The following PRKN variants were observed in gnomAD, a reference collection of about 807,000 sequenced individuals.
PRKN encodes E3 ubiquitin-protein ligase parkin.
A neutral mutation model predicts 59.5 loss-of-function variants in PRKN; 56 were observed. The observed-to-expected ratio is 0.94, with a 90% confidence interval of 0.76 to 1.18. PRKN has a LOEUF of 1.18. Ranked by LOEUF, PRKN falls within the 50% of genes most tolerant of loss-of-function variation. The pLI is 0.00. For missense variants in PRKN, 657 were observed against 596.4 expected (o/e 1.10, Z -1.06); for synonymous variants, 250 against 222.1 (o/e 1.13, Z -1.12).
At chr6:162,310,761 A>ATAT (rs11373708) in intron 2 of PRKN, among the ~76,000 whole-genome samples, 3 of 44,456 alleles carry the variant, frequency 6.7e-5, no homozygotes, top group African/African-American at 1.3e-4. Context: ...ATATATATAT[A>ATAT]AAAAAAAGCA....
intron 6 of PRKN, among the ~76,000 whole-genome samples, chr6:161,822,624 C>T (rs565819699): frequency 1.2e-4 from 19 of 152,072 alleles, no homozygotes; most frequent in Admixed American, 6.5e-4. Context: ...TGCAGTGAGC[C>T]GAGGTTGCAC....
intron 6 of PRKN, among the ~76,000 whole-genome samples, chr6:161,831,939 A>G (rs1178411629): frequency 2.6e-5 from 4 of 152,336 alleles, no homozygotes; most frequent in South Asian, 4.1e-4. Context: ...GGGAGCCACA[A>G]GGGCCTCTTG....
Position 162,288,042 on chromosome 6 carries a change from CATG to C in PRKN, c.172-25280_172-25278del, listed in dbSNP as rs1781273634. 2.0e-5 allele frequency among the ~76,000 whole-genome samples: 3 copies of C among 152,156 alleles called. No homozygotes were observed. In the South Asian group the frequency reaches 6.2e-4, roughly 32 times the overall value. ...TTCTGTCTTATTCCGGAATCCTGTT[CATG>C]ATTAGAATCATGCTCAAGAGCTAAA... On this transcript the variant is annotated intron_variant, in intron 2 of 11. Transcript: ENST00000366898.
At chr6:162,123,585 G>A (rs1198542879) in intron 4 of PRKN, among the ~76,000 whole-genome samples, 3 of 152,198 alleles carry the variant, frequency 2.0e-5, no homozygotes, top group African/African-American at 7.2e-5. Context: ...AACTACAAGA[G>A]AAATTAACAT....
At chr6:162,055,861 G>A (rs1320451876) in intron 4 of PRKN, among the ~76,000 whole-genome samples, 1 of 151,982 alleles carries the variant, frequency 6.6e-6, no homozygotes, top group Non-Finnish European at 1.5e-5. Flanking sequence ...CGTGGGAGGT[G>A]GGCAGGGGTT....
At position 162,414,726 on chromosome 6, in the gene PRKN, A is replaced by AAAAGT. The variant is rs34838356; in HGVS notation, c.171+28583_171+28584insACTTT. On this transcript the variant is annotated intron_variant, in intron 2 of 11. Coordinates refer to ENST00000366898, the MANE Select transcript of PRKN (RefSeq NM_004562.3). ...ACTCCGTCTCAAAAAAAAAAAAAAA[A>AAAAGT]AGTGAATCTTTGAAGTTTTAAAATA... Among the ~76,000 whole-genome samples the AAAAGT allele has an allele frequency of 2.8e-4, 26 of 91,874 alleles. 3 individuals are homozygous for AAAAGT. Among genetic ancestry groups the AAAAGT allele is most frequent in the South Asian group, 2.0e-3 (6 of 2,948 alleles). The allele number at this position is 91,874 out of a possible 152,430, so 60.3% of individuals were successfully genotyped here. A position where few individuals can be genotyped will look rare whatever the true frequency, so the allele number is the denominator to read the frequency against.
chr6:161,616,584 C>T (rs549269226), intron 7 of PRKN, among the ~76,000 whole-genome samples: 1 of 152,152 alleles, frequency 6.6e-6, no homozygotes, highest in African/African-American at 2.4e-5. Context: ...CCAACGGGCC[C>T]CAGTGTGTGA....
At chr6:161,812,839 G>C (rs1368772139) in intron 6 of PRKN, among the ~76,000 whole-genome samples, 1 of 152,194 alleles carries the variant, frequency 6.6e-6, no homozygotes. Flanking sequence ...AAACTGTAAA[G>C]TTTCTTTAAA....
intron 7 of PRKN, among the ~76,000 whole-genome samples, chr6:161,650,788 C>T (rs1314153450): frequency 6.6e-6 from 1 of 152,148 alleles, no homozygotes; most frequent in African/African-American, 2.4e-5. Context: ...TGAGTGTAGA[C>T]AGTCAGCCTT....
chr6:162,601,452 T>C (rs997741133), intron 1 of PRKN, among the ~76,000 whole-genome samples: 1 of 152,202 alleles, frequency 6.6e-6, no homozygotes, highest in Non-Finnish European at 1.5e-5. Flanking sequence ...TCATCCATTG[T>C]TGTGTGTATA....
In PRKN at chr6:161,438,215, A is replaced by ATTTT. The variant is rs34955373; in HGVS notation, c.1084-51342_1084-51339dup. Among the ~76,000 whole-genome samples, 130 of 112,438 alleles carry ATTTT rather than the reference A, an allele frequency of 1.2e-3. 2 individuals are homozygous for ATTTT. The highest frequency in any genetic ancestry group is 3.8e-3 in the African/African-American group (106 of 27,742). The allele number at this position is 112,438 out of a possible 152,430, so 73.8% of individuals were successfully genotyped here. A position where few individuals can be genotyped will look rare whatever the true frequency, so the allele number is the denominator to read the frequency against. On this transcript the variant is annotated intron_variant, in intron 9 of 11. Coordinates refer to ENST00000366898, the MANE Select transcript of PRKN (RefSeq NM_004562.3). The stretch of plus-strand genomic sequence containing the variant: ...TTCACTTACAGGGAGAATTCTGTTA[A>ATTTT]TTTTTTTTTTTTTTTTTTTTTGAGA...
Position 161,873,531 on chromosome 6 carries a change from C to T in PRKN, c.735-87623G>A, listed in dbSNP as rs1050450313. ...GGAAAATCGCCGGTAGCATCCACCGCGCATCAGACACGAGTCACACTGACA... is the reference window on the plus strand; with the variant it reads ...GGAAAATCGCCGGTAGCATCCACCGTGCATCAGACACGAGTCACACTGACA... On this transcript the variant is annotated intron_variant, in intron 6 of 11. Transcript: ENST00000366898. Among the ~76,000 whole-genome samples the T allele has an allele frequency of 3.3e-5, 5 of 151,938 alleles. No individual in the cohort carries two copies. The East Asian group carries it at 7.7e-4, about 24-fold the overall frequency.
chr6:161,823,870 C>T lies in PRKN; in HGVS notation c.735-37962G>A, dbSNP rs138439537. Among the ~76,000 whole-genome samples, 4 of 152,218 alleles carry T rather than the reference C, an allele frequency of 2.6e-5. No individual in the cohort carries two copies. In the East Asian group the frequency reaches 7.7e-4, roughly 29 times the overall value. On this transcript the variant is annotated intron_variant, in intron 6 of 11. Transcript: ENST00000366898. The stretch of plus-strand genomic sequence containing the variant: ...GGTGATCACATGGCTATGTATTCCC[C>T]AAAATTTAAGAAGATATTTTCACAG...
chr6:162,237,020 T>C (rs1440343266), intron 3 of PRKN, among the ~76,000 whole-genome samples: 1 of 152,104 alleles, frequency 6.6e-6, no homozygotes, highest in Non-Finnish European at 1.5e-5. Context: ...ATTGCACCCA[T>C]CCTCCTCCCA....
At chr6:162,193,071 C>T (rs1040051608) in intron 4 of PRKN, among the ~76,000 whole-genome samples, 1 of 152,030 alleles carries the variant, frequency 6.6e-6, no homozygotes, top group Non-Finnish European at 1.5e-5. Flanking sequence ...AGAGGGATCT[C>T]TATTAAAGAA....
intron 7 of PRKN, among the ~76,000 whole-genome samples, chr6:161,624,217 G>A (rs1783007169): frequency 6.6e-6 from 1 of 152,188 alleles, no homozygotes; most frequent in Non-Finnish European, 1.5e-5. Context: ...GGGGACACCA[G>A]CAGAAACACA....
intron 1 of PRKN, among the ~76,000 whole-genome samples, chr6:162,672,228 T>C (rs1779351382): frequency 6.6e-6 from 1 of 152,158 alleles, no homozygotes; most frequent in Admixed American, 6.6e-5. Context: ...GACTTAAAAA[T>C]ATAACAATTT....
chr6:162,405,239 T>C (rs1347100011), intron 2 of PRKN, among the ~76,000 whole-genome samples: 2 of 152,154 alleles, frequency 1.3e-5, no homozygotes, highest in African/African-American at 2.4e-5. Context: ...AGTGAGAACA[T>C]GGAATAGACT....
At chr6:161,830,337 C>T (rs924543789) in intron 6 of PRKN, among the ~76,000 whole-genome samples, 9 of 151,886 alleles carry the variant, frequency 5.9e-5, no homozygotes, top group African/African-American at 1.7e-4. Flanking sequence ...CTGCAAGCTC[C>T]GCCTCCTGGG....
Sources: allele counts gnomAD v4.1 joint callset (sites outside exome capture counted in the v4.1 genomes callset), GRCh38; gene constraint gnomAD v4.1.1; transcripts MANE v1.5; gene names NCBI Gene and HGNC (gene_info 2026-07-23, HGNC 2026-07-21).